Variants in PPFIA2 observed in about 807,000 individuals in gnomAD.
The protein encoded by PPFIA2 is liprin-alpha-2.
PPFIA2 carries 46 observed loss-of-function variants against 175.5 expected under a neutral mutation model. The observed-to-expected ratio is 0.26, with a 90% CI of 0.21 to 0.34. The LOEUF (loss-of-function observed/expected upper bound fraction) is 0.34, where lower values mean the gene tolerates loss of function less well. Among genes scored for constraint, PPFIA2 ranks in the 10% least tolerant of loss-of-function variants. The probability of loss-of-function intolerance (pLI) is 1.00; values close to 1 mark genes in which losing one functional copy is unlikely to be tolerated. For missense variants in PPFIA2, 1,179 were observed against 1,506.1 expected (o/e 0.78, Z 3.60); for synonymous variants, 568 against 511.4 (o/e 1.11, Z -1.49).
chr12:81,265,635 T>C (rs995256637), intron 30 of PPFIA2, among the ~76,000 whole-genome samples: 1 of 152,124 alleles, frequency 6.6e-6, no homozygotes, highest in African/African-American at 2.4e-5. Flanking sequence ...AGGGTTTAAA[T>C]GACAAAATTC....
At chr12:81,304,071 A>G (rs1442707946) in intron 22 of PPFIA2, among the ~76,000 whole-genome samples, 1 of 151,964 alleles carries the variant, frequency 6.6e-6, no homozygotes, top group Admixed American at 6.6e-5. Context: ...CTCCCCACAT[A>G]CTTTGTCTTG....
intron 22 of PPFIA2, among the ~76,000 whole-genome samples, chr12:81,301,079 T>C (rs911559218): frequency 1.3e-5 from 2 of 152,078 alleles, no homozygotes; most frequent in Non-Finnish European, 2.9e-5. Flanking sequence ...AAGGGGTTAA[T>C]AGCCATTGAA....
At chr12:81,269,339 G>C (rs573052832) in intron 28 of PPFIA2, among the ~76,000 whole-genome samples, 13 of 152,226 alleles carry the variant, frequency 8.5e-5, no homozygotes, top group African/African-American at 3.1e-4. Context: ...TAAAGTAAAA[G>C]TAAGTTTTCC....
intron 30 of PPFIA2, among the ~76,000 whole-genome samples, chr12:81,264,763 G>A (rs927452116): frequency 6.6e-6 from 1 of 152,088 alleles, no homozygotes; most frequent in African/African-American, 2.4e-5. Context: ...TAGCCATTTT[G>A]CACATTAAGA....
chr12:81,625,694 T>C (rs1477260412), intron 4 of PPFIA2, among the ~76,000 whole-genome samples: 1 of 151,548 alleles, frequency 6.6e-6, no homozygotes, highest in African/African-American at 2.4e-5. Context: ...GGATAATTAG[T>C]ATTGTAGGTA....
intron 4 of PPFIA2, chr12:81,545,522 G>C (rs1255411692): frequency 1.3e-5 from 2 of 156,890 alleles, no homozygotes; most frequent in Non-Finnish European, 2.9e-5. Flanking sequence ...TATTCCTCCA[G>C]TTCCCACACC....
chr12:81,698,393 T>G (rs1294781865), intron 3 of PPFIA2, among the ~76,000 whole-genome samples: 1 of 152,090 alleles, frequency 6.6e-6, no homozygotes, highest in Non-Finnish European at 1.5e-5. Context: ...TTTCTTGCCC[T>G]TCTACCTTCC....
At chr12:81,645,652 ACAAGTT>A (rs958623707) in intron 4 of PPFIA2, among the ~76,000 whole-genome samples, 1 of 152,238 alleles carries the variant, frequency 6.6e-6, no homozygotes, top group Non-Finnish European at 1.5e-5. Context: ...CCAAAGGTTG[ACAAGTT>A]CCTTTGAGGA....
At chr12:81,355,047 A>T (rs1356114915) in intron 16 of PPFIA2, among the ~76,000 whole-genome samples, 1 of 152,132 alleles carries the variant, frequency 6.6e-6, no homozygotes, top group Non-Finnish European at 1.5e-5. Flanking sequence ...GCCCCAATCC[A>T]TCAGAGGAGT....
chr12:81,404,419 G>T (rs2042568653), intron 8 of PPFIA2, among the ~76,000 whole-genome samples: 1 of 152,136 alleles, frequency 6.6e-6, no homozygotes, highest in African/African-American at 2.4e-5. Context: ...TAATTAAAAT[G>T]AAAGAGCAAT....
At chr12:81,383,987 A>G (rs764469591) in intron 9 of PPFIA2, 36 bp downstream of exon 9, 2 of 1,505,632 alleles carry the variant, frequency 1.3e-6, no homozygotes, top group Admixed American at 1.7e-5. Context: ...AGCAGCATTC[A>G]GAAATCAAAG....
chr12:81,600,254 T>C (rs1194220622), intron 4 of PPFIA2, among the ~76,000 whole-genome samples: 3 of 151,962 alleles, frequency 2.0e-5, no homozygotes, highest in Non-Finnish European at 4.4e-5. Flanking sequence ...TATAGACTCA[T>C]GTATACTTAC....
chr12:81,394,410 GTTTAA>G (rs1210690659), intron 8 of PPFIA2, among the ~76,000 whole-genome samples: 2 of 151,734 alleles, frequency 1.3e-5, no homozygotes, highest in East Asian at 1.9e-4. Flanking sequence ...GTACAACAGA[GTTTAA>G]TTTATTTTCT....
At chr12:81,293,679 T>C (rs1163999315) in intron 24 of PPFIA2, among the ~76,000 whole-genome samples, 1 of 151,938 alleles carries the variant, frequency 6.6e-6, no homozygotes, top group Non-Finnish European at 1.5e-5. Context: ...GGAACACTTA[T>C]ACACTGTTGG....
intron 4 of PPFIA2, among the ~76,000 whole-genome samples, chr12:81,553,010 T>A (rs1296565184): frequency 6.6e-6 from 1 of 151,650 alleles, no homozygotes; most frequent in African/African-American, 2.4e-5. Flanking sequence ...GACACAGAAA[T>A]CAAAGACCGA....
intron 16 of PPFIA2, among the ~76,000 whole-genome samples, chr12:81,354,872 G>C (rs534472702): frequency 6.6e-6 from 1 of 152,250 alleles, no homozygotes; most frequent in East Asian, 1.9e-4. Context: ...TCGAGCTCCT[G>C]ACTTCAGGTG....
intron 15 of PPFIA2, among the ~76,000 whole-genome samples, chr12:81,359,574 G>A (rs7965400): frequency 2.6e-5 from 4 of 151,818 alleles, no homozygotes; most frequent in Non-Finnish European, 4.4e-5. Context: ...CCAGGAAGGC[G>A]TTCCTAGCAT....
At chr12:81,553,853 A>T (rs1374872299) in intron 4 of PPFIA2, among the ~76,000 whole-genome samples, 1 of 152,078 alleles carries the variant, frequency 6.6e-6, no homozygotes, top group Non-Finnish European at 1.5e-5. Context: ...AATAACAGTA[A>T]ATAACTGAGA....
Position 81,384,011 on chromosome 12 carries a change from T to G in PPFIA2, c.984+12A>C. 1 of 1,586,356 alleles carries G rather than the reference T, an allele frequency of 6.3e-7. No individual in the cohort carries two copies. The highest frequency in any genetic ancestry group is 1.3e-5 in the African/African-American group (1 of 74,378). Reference sequence around the variant, plus strand: ...CAGAAATCAAAGACTGAAAGTGGCATGAATCACTTACCTCCCTAATGTCCC... The same window carrying G: ...CAGAAATCAAAGACTGAAAGTGGCAGGAATCACTTACCTCCCTAATGTCCC... On this transcript the variant is annotated intron_variant, in intron 9 of 32. Transcript: ENST00000549396.
Sources: gnomAD v4.1 joint callset for allele counts (sites outside exome capture counted in the v4.1 genomes callset) on GRCh38, gnomAD v4.1.1 for gene constraint, MANE v1.5 for transcripts, NCBI Gene and HGNC (gene_info 2026-07-23, HGNC 2026-07-21) for gene names.